The following SEPTIN7 variants were observed in gnomAD, a reference collection of about 807,000 sequenced individuals.
SEPTIN7 encodes the protein septin 7, also known as septin-7.
SEPTIN7 carries 10 observed loss-of-function variants against 63.3 expected under a neutral mutation model. The ratio of observed to expected loss-of-function variants is 0.16; its 90% CI spans 0.10 to 0.27. The LOEUF is 0.27. Among genes scored for constraint, SEPTIN7 ranks in the 10% least tolerant of loss-of-function variants. The pLI is 1.00. For missense variants in SEPTIN7, 310 were observed against 521.0 expected (o/e 0.59, Z 3.94); for synonymous variants, 131 against 165.3 (o/e 0.79, Z 1.59).
chr7:35,914,671 A>G, the SEPTIN7 span, among the ~76,000 whole-genome samples: 3 of 137,130 alleles, frequency 2.2e-5, no homozygotes, highest in Admixed American at 1.4e-4. Context: ...ATATATATAT[A>G]TACACACACA....
intron 1 of SEPTIN7, among the ~76,000 whole-genome samples, chr7:35,825,868 T>C (rs1487155723): frequency 6.6e-6 from 1 of 152,092 alleles, no homozygotes; most frequent in Non-Finnish European, 1.5e-5. Flanking sequence ...TAGAATCTTT[T>C]TAACAGATTA....
chr7:35,832,489 AGTTG>A (rs551198792), intron 2 of SEPTIN7, among the ~76,000 whole-genome samples: 3 of 151,982 alleles, frequency 2.0e-5, no homozygotes, highest in East Asian at 1.9e-4. Flanking sequence ...TTGCTTTTTT[AGTTG>A]GTTGGTCAAT....
At chr7:35,809,246 A>G (rs1190853250) in intron 1 of SEPTIN7, among the ~76,000 whole-genome samples, 1 of 152,220 alleles carries the variant, frequency 6.6e-6, no homozygotes, top group Non-Finnish European at 1.5e-5. Flanking sequence ...TCAGACTTGG[A>G]TTCATATCTC....
chr7:35,819,121 C>T (rs1413075473), intron 1 of SEPTIN7, among the ~76,000 whole-genome samples: 1 of 152,038 alleles, frequency 6.6e-6, no homozygotes, highest in Non-Finnish European at 1.5e-5. Context: ...GATTTAGCTG[C>T]ATTCAATACA....
downstream of SEPTIN7, among the ~76,000 whole-genome samples, chr7:35,911,857 A>G (rs775890526): frequency 2.0e-5 from 3 of 152,236 alleles, no homozygotes; most frequent in Non-Finnish European, 1.5e-5. Flanking sequence ...AAGAATATTT[A>G]AAGCATCCCA....
rs534009421 is a variant in SEPTIN7, at chr7:35,810,569, C to T, written c.61+9299C>T. On this transcript the variant is annotated intron_variant, in intron 1 of 13. Transcript: ENST00000350320. ...CAATCTCCTGACCTCATGATCCGCCCGCCTTGGCCTCCCAAAGTGCTGGGA... is the reference window on the plus strand; with the variant it reads ...CAATCTCCTGACCTCATGATCCGCCTGCCTTGGCCTCCCAAAGTGCTGGGA... Among the ~76,000 whole-genome samples the T allele has an allele frequency of 2.2e-3, 338 of 152,174 alleles. 1 individual carries two copies. Among genetic ancestry groups the T allele is most frequent in the South Asian group, 6.9e-3 (33 of 4,814 alleles).
At chr7:35,910,226 T>C (rs1386625501), downstream of SEPTIN7, among the ~76,000 whole-genome samples, 1 of 152,226 alleles carries the variant, frequency 6.6e-6, no homozygotes, top group Non-Finnish European at 1.5e-5. Flanking sequence ...TGCAGCTTAG[T>C]CCTGTTCAAT....
chr7:35,878,927 A>T (rs1786653919), intron 6 of SEPTIN7, among the ~76,000 whole-genome samples: 1 of 152,204 alleles, frequency 6.6e-6, no homozygotes, highest in Non-Finnish European at 1.5e-5. Flanking sequence ...CCAATTGAAG[A>T]TAATTGAAAT....
At chr7:35,884,023 T>C in intron 9 of SEPTIN7, 36 bp downstream of exon 9, 1 of 1,284,656 alleles carries the variant, frequency 7.8e-7, no homozygotes, top group Non-Finnish European at 1.1e-6. Flanking sequence ...TTCTAAAATA[T>C]CTCAAAACTG....
intron 1 of SEPTIN7, among the ~76,000 whole-genome samples, chr7:35,822,021 C>T (rs530036688): frequency 1.4e-4 from 21 of 152,150 alleles, no homozygotes; most frequent in Admixed American, 1.2e-3. Flanking sequence ...ATGATCCACC[C>T]GCCTTGGCCT....
intron 1 of SEPTIN7, among the ~76,000 whole-genome samples, chr7:35,820,001 CAG>C (rs755206578): frequency 8.1e-5 from 12 of 148,790 alleles, no homozygotes; most frequent in Non-Finnish European, 1.0e-4. Flanking sequence ...TTTTTTGAGA[CAG>C]GGTCTCACTC....
chr7:35,857,622 T>C (rs1785273646), intron 3 of SEPTIN7, among the ~76,000 whole-genome samples: 1 of 152,208 alleles, frequency 6.6e-6, no homozygotes, highest in South Asian at 2.1e-4. Flanking sequence ...ATGTTAAATA[T>C]CTCATAGCTG....
intron 6 of SEPTIN7, among the ~76,000 whole-genome samples, chr7:35,879,318 T>C (rs1408468150): frequency 6.6e-6 from 1 of 151,936 alleles, no homozygotes; most frequent in East Asian, 1.9e-4. Context: ...ACATTGTGTC[T>C]ACAAAAAATA....
intron 11 of SEPTIN7, among the ~76,000 whole-genome samples, chr7:35,897,994 A>T (rs1319346161): frequency 2.0e-5 from 3 of 151,726 alleles, no homozygotes; most frequent in Non-Finnish European, 4.4e-5. Flanking sequence ...TTTTTTTCCC[A>T]TTTTCCTTCT....
At chr7:35,894,475 A>G (rs1787840369) in intron 11 of SEPTIN7, among the ~76,000 whole-genome samples, 1 of 152,188 alleles carries the variant, frequency 6.6e-6, no homozygotes. Context: ...AGAAATAAAG[A>G]CAATTTGCTG....
chr7:35,828,570 G>A (rs1783640019), intron 1 of SEPTIN7, among the ~76,000 whole-genome samples: 1 of 152,058 alleles, frequency 6.6e-6, no homozygotes, highest in Non-Finnish European at 1.5e-5. Context: ...GTAGAGATGG[G>A]GTTTCACCAT....
intron 6 of SEPTIN7, among the ~76,000 whole-genome samples, chr7:35,878,181 A>G (rs1248734177): frequency 1.3e-5 from 2 of 152,068 alleles, no homozygotes; most frequent in African/African-American, 4.8e-5. Flanking sequence ...GCACATAGAA[A>G]TATGCCTAGT....
chr7:35,876,009 A>T (rs1334076223), intron 6 of SEPTIN7, among the ~76,000 whole-genome samples: 8 of 152,204 alleles, frequency 5.3e-5, no homozygotes, highest in Non-Finnish European at 1.0e-4. Flanking sequence ...AATGTAATAT[A>T]CATGTGAACT....
Position 35,904,399 on chromosome 7 carries a change from G to A in SEPTIN7, c.*106G>A. 1.2e-6 allele frequency: 1 copy of A among 851,526 alleles called. No homozygotes were observed. The highest frequency in any genetic ancestry group is 1.7e-6 in the Non-Finnish European group (1 of 577,348). The allele number at this position is 851,526 out of a possible 1,614,324, so 52.7% of individuals were successfully genotyped here. ...AATTTGCACCAGTTTTATCCATAAT[G>A]ATGGATTTAACAGCATGACAAAAAT... On this transcript the variant is annotated 3_prime_UTR_variant, in exon 14 of 14. Coordinates refer to ENST00000350320, the MANE Select transcript of SEPTIN7 (RefSeq NM_001788.6).
Sources: allele counts gnomAD v4.1 joint callset (sites outside exome capture counted in the v4.1 genomes callset), GRCh38; gene constraint gnomAD v4.1.1; transcripts MANE v1.5; gene names NCBI Gene and HGNC (gene_info 2026-07-23, HGNC 2026-07-21).